Variants in ERBB2 observed in about 807,000 individuals in gnomAD.
The protein encoded by ERBB2 is erb-b2 receptor tyrosine kinase 2.
ERBB2 carries 61 observed loss-of-function variants against 149.0 expected under a neutral mutation model. The observed-to-expected ratio is 0.41, with a 90% CI of 0.33 to 0.51. ERBB2 has a LOEUF of 0.51. Among genes scored for constraint, ERBB2 ranks in the 20% least tolerant of loss-of-function variants. The probability of loss-of-function intolerance (pLI) is 0.25; values close to 1 mark genes in which losing one functional copy is unlikely to be tolerated. For synonymous variants in ERBB2, 633 were observed against 678.8 expected (o/e 0.93, Z 1.05); for missense variants, 1,205 against 1,655.1 (o/e 0.73, Z 4.72).
intron 7 of ERBB2, 122 bp downstream of exon 7, chr17:39,710,603 C>T (rs879262754): frequency 4.7e-5 from 55 of 1,180,396 alleles, no homozygotes; most frequent in Non-Finnish European, 6.2e-5. Context: ...CAGTTCCTGC[C>T]GAGCTGCCTT....
rs776123503 is a variant in ERBB2, at chr17:39,723,016, C to T, written c.1947-303C>T. Among the ~76,000 whole-genome samples, 7 of 152,148 alleles carry T rather than the reference C, an allele frequency of 4.6e-5. No homozygotes were observed. The highest frequency in any genetic ancestry group is 1.0e-4 in the Non-Finnish European group (7 of 68,022). On this transcript the variant is annotated intron_variant, in intron 16 of 26. Transcript: ENST00000269571. The surrounding 1 kb of genome is among the most constrained non-coding windows in gnomAD (Gnocchi z 6.2). The stretch of plus-strand genomic sequence containing the variant: ...AGGATTCCAGGCATGAGCCACCGCG[C>T]CCAGAGTCCTTAGTGATTTTTACAC...
At chr17:39,717,632 A>T (rs1266325708) in intron 15 of ERBB2, 152 bp downstream of exon 15, 5 of 623,614 alleles carry the variant, frequency 8.0e-6, no homozygotes, top group Non-Finnish European at 1.3e-5. Context: ...AAATTAAAAC[A>T]TGAAATATAA....
intron 16 of ERBB2, chr17:39,720,360 G>C (rs1338049340): frequency 1.9e-5 from 3 of 159,354 alleles, no homozygotes; most frequent in African/African-American, 7.2e-5. Flanking sequence ...AGTAAGCACA[G>C]GAATAAGGGG....
intron 1 of ERBB2, 112 bp downstream of exon 1, chr17:39,700,423 C>T: frequency 2.2e-6 from 2 of 928,218 alleles, no homozygotes; most frequent in Non-Finnish European, 2.8e-6. Flanking sequence ...GCTCTCCTAT[C>T]CCGAAGTTGT....
At chr17:39,689,048 T>C (rs1424208953) in intron 2 of ERBB2, among the ~76,000 whole-genome samples, 1 of 152,210 alleles carries the variant, frequency 6.6e-6, no homozygotes, top group Non-Finnish European at 1.5e-5. Flanking sequence ...AGAAGCCTTG[T>C]AGCTAAGGAT....
In ERBB2 at chr17:39,710,112, T is replaced by C. The variant is rs2145502687; in HGVS notation, c.670T>C (p.Cys224Arg). 1 of 1,609,864 alleles carries C rather than the reference T, an allele frequency of 6.2e-7. No individual in the cohort carries two copies. Among genetic ancestry groups the C allele is most frequent in the Non-Finnish European group, 8.5e-7 (1 of 1,179,346 alleles). ...GACGCGCACTGTCTGTGCCGGTGGC[T>C]GTGCCCGCTGCAAGGGGCCACTGCC... ...SLTRTVCAGGCARCKGPLPTD... is the reference protein window; with the variant it reads ...SLTRTVCAGGRARCKGPLPTD... Residue 224 changes from cysteine to arginine, a missense_variant, in exon 6 of 27, where the codon TGT becomes CGT. By Grantham distance (180) the Cys-to-Arg change is radical (BLOSUM62 -3). Transcript: ENST00000269571.
At chr17:39,700,484 G>A (rs2058031809) in intron 1 of ERBB2, among the ~76,000 whole-genome samples, 173 bp downstream of exon 1, 1 of 152,244 alleles carries the variant, frequency 6.6e-6, no homozygotes, top group South Asian at 2.1e-4. Context: ...TCGGGCGGGA[G>A]GGGGCAGTTA....
rs1194687996 is a variant in ERBB2 at position 39,714,919 on chromosome 17, G to A, written c.1149-367G>A. The stretch of plus-strand genomic sequence containing the variant: ...CGAGTAACTGGGACTATAGGCGCGC[G>A]GCACCACACCCAGCTAATTTTTGTA... On this transcript the variant is annotated intron_variant, in intron 9 of 26. Coordinates refer to ENST00000269571, the MANE Select transcript of ERBB2 (RefSeq NM_004448.4). 4.0e-5 allele frequency among the ~76,000 whole-genome samples: 6 copies of A among 151,692 alleles called. No individual in the cohort carries two copies. The East Asian group carries it at 7.7e-4, about 20-fold the overall frequency.
chr17:39,719,627 G>C (rs1243874646), intron 15 of ERBB2, among the ~76,000 whole-genome samples, 160 bp from the exon 16 acceptor site: 1 of 152,206 alleles, frequency 6.6e-6, no homozygotes, highest in Non-Finnish European at 1.5e-5. Context: ...CTCCTTGTGA[G>C]GTGGTAGAAG....
intron 1 of ERBB2, among the ~76,000 whole-genome samples, chr17:39,706,201 G>A (rs903916430): frequency 2.6e-5 from 4 of 152,218 alleles, no homozygotes; most frequent in African/African-American, 4.8e-5. Flanking sequence ...CAGGGCTGAC[G>A]TAGTGCCTTT....
At position 39,716,022 on chromosome 17, in the gene ERBB2, G is replaced by T; in HGVS notation, c.1513+83G>T. The T allele has an allele frequency of 3.0e-6, 4 of 1,331,962 alleles. No individual in the cohort carries two copies. In the East Asian group the frequency reaches 9.7e-5, roughly 32 times the overall value. 82.5% of individuals were successfully genotyped at this position (1,331,962 alleles called of 1,614,324 possible). On this transcript the variant is annotated intron_variant, in intron 12 of 26. Transcript: ENST00000269571. ...GGGGGCCCTGGCAGCAGCGTTCTTG[G>T]ACTTGTGCAGACTGCCCGTCTCTGT... is the stretch of plus-strand genomic sequence containing the variant.
upstream of ERBB2, among the ~76,000 whole-genome samples, chr17:39,690,094 T>A (rs917895544): frequency 5.3e-5 from 8 of 151,900 alleles, no homozygotes; most frequent in South Asian, 2.1e-4. Context: ...TTAAAAAAAA[T>A]TTTTTTTCCC....
At chr17:39,694,303 G>GTATATATATA (rs371746832), upstream of ERBB2, among the ~76,000 whole-genome samples, 93 of 75,766 alleles carry the variant, frequency 1.2e-3, 2 homozygotes, top group African/African-American at 4.6e-3. Context: ...ATATATATGT[G>GTATATATATA]TATATATATA....
Position 39,717,446 on chromosome 17 carries a change from G to A in ERBB2, c.1864G>A (p.Ala622Thr), listed in dbSNP as rs766029214. Residue 622 changes from alanine to threonine, a missense_variant, in exon 15 of 27, where the codon GCA (alanine) becomes ACA (threonine). By Grantham distance (58) the Ala-to-Thr change is moderately conservative. Coordinates refer to ENST00000269571, the MANE Select transcript of ERBB2 (RefSeq NM_004448.4). ...CTGGAAGTTTCCAGATGAGGAGGGCGCATGCCAGCCTTGCCCCATCAACTG... is the reference window on the plus strand; with the variant it reads ...CTGGAAGTTTCCAGATGAGGAGGGCACATGCCAGCCTTGCCCCATCAACTG... ...PIWKFPDEEG[A>T]CQPCPINCTH... 1.1e-5 allele frequency: 18 copies of A among 1,613,238 alleles called. No individual in the cohort carries two copies. The highest frequency in any genetic ancestry group is 6.6e-5 in the South Asian group (6 of 91,022).
upstream of ERBB2, among the ~76,000 whole-genome samples, chr17:39,691,930 TATAC>T (rs376500288): frequency 7.0e-3 from 566 of 80,730 alleles, no homozygotes; most frequent in Non-Finnish European, 0.011. Context: ...TACATATACA[TATAC>T]ATATATATAT....
upstream of ERBB2, among the ~76,000 whole-genome samples, chr17:39,695,814 G>T (rs1472477488): frequency 7.5e-5 from 11 of 147,014 alleles, no homozygotes; most frequent in Admixed American, 7.4e-4. Flanking sequence ...GCATTTCACA[G>T]GCCGCTGGTT....
At position 39,715,435 on chromosome 17, in the gene ERBB2, T is replaced by A; in HGVS notation, c.1223-11T>A. Reference sequence around the variant, plus strand: ...TGTCCCCACTCCTTTAATCTCACCCTCTGCCTGCAGGTTACCTATACATCT... The same window carrying A: ...TGTCCCCACTCCTTTAATCTCACCCACTGCCTGCAGGTTACCTATACATCT... On this transcript the variant is annotated splice_polypyrimidine_tract_variant and intron_variant, in intron 10 of 26. Coordinates refer to ENST00000269571, the MANE Select transcript of ERBB2 (RefSeq NM_004448.4). 6.2e-7 allele frequency: 1 copy of A among 1,614,116 alleles called. No individual in the cohort carries two copies. The highest frequency in any genetic ancestry group is 1.6e-4 in the Middle Eastern group (1 of 6,062).
At chr17:39,724,673 G>A (rs577200967) in intron 19 of ERBB2, 53 bp from the exon 20 acceptor site, 4 of 1,520,010 alleles carry the variant, frequency 2.6e-6, no homozygotes, top group Non-Finnish European at 3.6e-6. Flanking sequence ...AGGCTGTGTG[G>A]TGTTTGGGGG....
Position 39,725,685 on chromosome 17 carries a change from C to T in ERBB2, c.2726-22C>T, listed in dbSNP as rs2143055669. ...TAAAGCTCCCTCTGGCCCTCCCACTCCTGACCCTGTCTCTGCCTTAGGTGT... is the reference window on the plus strand; with the variant it reads ...TAAAGCTCCCTCTGGCCCTCCCACTTCTGACCCTGTCTCTGCCTTAGGTGT... On this transcript the variant is annotated intron_variant, in intron 22 of 26. Coordinates refer to ENST00000269571, the MANE Select transcript of ERBB2 (RefSeq NM_004448.4). The surrounding 1 kb of genome is among the most constrained non-coding windows in gnomAD (Gnocchi z 4.6). The T allele has an allele frequency of 2.5e-6, 4 of 1,600,052 alleles. No individual in the cohort carries two copies. Among genetic ancestry groups the T allele is most frequent in the Non-Finnish European group, 3.4e-6 (4 of 1,172,626 alleles).
Sources: gnomAD v4.1 joint callset for allele counts (sites outside exome capture counted in the v4.1 genomes callset) on GRCh38, gnomAD v4.1.1 for gene constraint, Gnocchi (gnomAD v3.1) non-coding constraint, MANE v1.5 for transcripts, NCBI Gene and HGNC (gene_info 2026-07-23, HGNC 2026-07-21) for gene names.